The following CDC20B variants were observed in gnomAD, a reference collection of about 807,000 sequenced individuals.
CDC20B encodes the protein cell division cycle 20B.
A neutral mutation model predicts 64.1 loss-of-function variants in CDC20B; 58 were observed. That is an observed-to-expected ratio of 0.90 (90% confidence interval 0.73 to 1.13). The LOEUF is 1.13. Among genes scored for constraint, CDC20B ranks in the 50% most tolerant of loss-of-function variants. The pLI is 0.00. For synonymous variants in CDC20B, 243 were observed against 230.6 expected, an observed-to-expected ratio of 1.05 and a Z score of -0.49; for missense variants, 597 against 633.0, an observed-to-expected ratio of 0.94 and a Z score of 0.61.
chr5:55,120,231 A>C (rs924328199), intron 10 of CDC20B, among the ~76,000 whole-genome samples, 194 bp downstream of exon 10: 9 of 152,232 alleles, frequency 5.9e-5, no homozygotes, highest in Admixed American at 1.3e-4. Flanking sequence ...TGAAAAAAAG[A>C]AAACACAAAT....
intron 4 of CDC20B, 37 bp downstream of exon 4, chr5:55,143,476 T>C: frequency 3.2e-6 from 5 of 1,539,996 alleles, no homozygotes; most frequent in Admixed American, 2.1e-5. Flanking sequence ...TCAGCTTCTC[T>C]AGATGTGGGA....
intron 6 of CDC20B, among the ~76,000 whole-genome samples, chr5:55,132,138 T>TTAA (rs1743048298): frequency 6.6e-6 from 1 of 152,302 alleles, no homozygotes; most frequent in Non-Finnish European, 1.5e-5. Context: ...ATATAACAGT[T>TTAA]TTTTAACATT....
At chr5:55,124,428 A>C (rs1304354644) in intron 9 of CDC20B, among the ~76,000 whole-genome samples, 4 of 152,244 alleles carry the variant, frequency 2.6e-5, no homozygotes, top group Non-Finnish European at 5.9e-5. Flanking sequence ...GTCTGAAGGA[A>C]GAATGAAACC....
chr5:55,153,801 C>T (rs1340549549), intron 2 of CDC20B, among the ~76,000 whole-genome samples: 1 of 152,126 alleles, frequency 6.6e-6, no homozygotes, highest in East Asian at 1.9e-4. Flanking sequence ...AATAAAGTTG[C>T]ATGAACAATA....
At chr5:55,162,311 G>A (rs566766646) in intron 2 of CDC20B, among the ~76,000 whole-genome samples, 118 of 152,242 alleles carry the variant, frequency 7.8e-4, no homozygotes, top group Non-Finnish European at 1.4e-3. Flanking sequence ...CAGGAGAATC[G>A]CTTGAACCCA....
intron 2 of CDC20B, among the ~76,000 whole-genome samples, chr5:55,158,146 C>G (rs1351939159): frequency 6.6e-6 from 1 of 152,160 alleles, no homozygotes; most frequent in Non-Finnish European, 1.5e-5. Context: ...AGTACAGATT[C>G]TGACTCGGGA....
At chr5:55,118,243 T>C (rs1006979335) in intron 11 of CDC20B, among the ~76,000 whole-genome samples, 2 of 152,258 alleles carry the variant, frequency 1.3e-5, no homozygotes, top group Non-Finnish European at 2.9e-5. Flanking sequence ...GTATGTTTTG[T>C]ATAACTGCTA....
chr5:55,140,250 G>A, intron 5 of CDC20B, 64 bp downstream of exon 5: 1 of 874,782 alleles, frequency 1.1e-6, no homozygotes, highest in Non-Finnish European at 1.8e-6. Context: ...TTAAGATTAG[G>A]AAGAAATGAA....
chr5:55,147,726 A>C (rs1272939950), intron 2 of CDC20B, among the ~76,000 whole-genome samples: 1 of 152,106 alleles, frequency 6.6e-6, no homozygotes, highest in Non-Finnish European at 1.5e-5. Flanking sequence ...TTAGGGAGTA[A>C]TTACATTTAT....
intron 4 of CDC20B, among the ~76,000 whole-genome samples, chr5:55,142,136 A>T (rs576404842): frequency 6.6e-6 from 1 of 152,212 alleles, no homozygotes; most frequent in East Asian, 1.9e-4. Flanking sequence ...GATGAGATCG[A>T]CTTACTACTT....
intron 5 of CDC20B, chr5:55,136,969 T>A (rs1017532429): frequency 1.3e-5 from 2 of 152,182 alleles, no homozygotes; most frequent in East Asian, 3.9e-4. Flanking sequence ...GGGTGGAGCA[T>A]CTGAGGTCAG....
chr5:55,120,311 C>T (rs765526056), intron 10 of CDC20B, 114 bp downstream of exon 10: 192 of 1,207,704 alleles, frequency 1.6e-4, no homozygotes, highest in Non-Finnish European at 2.2e-4. Context: ...ACTCAAATTC[C>T]TTATGGACTC....
intron 5 of CDC20B, chr5:55,136,663 G>C (rs1292349500): frequency 6.6e-6 from 1 of 151,994 alleles, no homozygotes; most frequent in African/African-American, 2.4e-5. Flanking sequence ...CCTTGCCAAA[G>C]CACCCCATGG....
At position 55,114,582 on chromosome 5, in the gene CDC20B, T is replaced by G. The variant is rs567522388; in HGVS notation, c.1460-264A>C. On this transcript the variant is annotated intron_variant, in intron 11 of 11. Coordinates refer to ENST00000381375, the MANE Select transcript of CDC20B (RefSeq NM_001170402.1). The surrounding 1 kb of genome is among the most constrained non-coding windows in gnomAD (Gnocchi z 4.1). ...AACAAATTACCACCCATTGGGTGGC[T>G]TAAAACAACAGAAATTGATTCTCAC... Among the ~76,000 whole-genome samples the G allele has an allele frequency of 7.2e-5, 11 of 152,294 alleles. No homozygotes were observed. Among genetic ancestry groups the G allele is most frequent in the African/African-American group, 2.6e-4 (11 of 41,576 alleles).
rs761041294 is a variant in CDC20B, at chr5:55,140,308, C to T, written c.580+6G>A. On this transcript the variant is annotated splice_donor_region_variant and intron_variant, in intron 5 of 11. Coordinates refer to ENST00000381375, the MANE Select transcript of CDC20B (RefSeq NM_001170402.1). Reference sequence around the variant, plus strand: ...AGGAAAGAAGGACAATGTCTTGATCCTGTACCTTTCCAAACACATTCGGAT... The same window carrying T: ...AGGAAAGAAGGACAATGTCTTGATCTTGTACCTTTCCAAACACATTCGGAT... 10 of 1,597,156 alleles carry T rather than the reference C, an allele frequency of 6.3e-6. No individual in the cohort carries two copies. The highest frequency in any genetic ancestry group is 6.0e-6 in the Non-Finnish European group (7 of 1,167,542).
chr5:55,120,664 C>T lies in CDC20B; in HGVS notation c.1216-114G>A, dbSNP rs12332290. Reference sequence around the variant, plus strand: ...CCACGTCTGCACCTGTCACAGCTCTCCTGGGCCTGCTATCTAAAGGCAGGA... The same window carrying T: ...CCACGTCTGCACCTGTCACAGCTCTTCTGGGCCTGCTATCTAAAGGCAGGA... On this transcript the variant is annotated intron_variant, in intron 9 of 11. Coordinates refer to ENST00000381375, the MANE Select transcript of CDC20B (RefSeq NM_001170402.1). 419 of 1,248,056 alleles carry T rather than the reference C, an allele frequency of 3.4e-4. 1 individual carries two copies. The African/African-American group carries it at 5.9e-3, about 18-fold the overall frequency. 77.3% of individuals were successfully genotyped at this position (1,248,056 alleles called of 1,614,324 possible). A position where few individuals can be genotyped will look rare whatever the true frequency, so the allele number is the denominator to read the frequency against.
intron 11 of CDC20B, among the ~76,000 whole-genome samples, chr5:55,115,356 C>A (rs760183026): frequency 5.9e-5 from 9 of 152,176 alleles, no homozygotes; most frequent in Non-Finnish European, 1.0e-4. Flanking sequence ...TTCAGGATTT[C>A]TTCATTTTAG....
chr5:55,124,904 T>C lies in CDC20B; in HGVS notation c.1114A>G (p.Ser372Gly). 6.2e-7 allele frequency: 1 copy of C among 1,614,172 alleles called. No homozygotes were observed. Residue 372 changes from serine to glycine, a missense_variant, in exon 9 of 12, where the codon AGC becomes GGC. Ser to Gly is a moderately conservative substitution (Grantham distance 56). This residue lies in a region of CDC20B where 353 missense variants were observed against 397.0 expected (regional missense o/e 0.89). Coordinates refer to ENST00000381375, the MANE Select transcript of CDC20B (RefSeq NM_001170402.1). Reference protein sequence around the residue: ...KWSPDGRLLSSGCSDGLLTIW... With the variant: ...KWSPDGRLLSGGCSDGLLTIW... ...GTCAGCAGTCCATCACTGCAGCCGC[T>C]GGAAAGCAGCCTGCCATCCGGTGAC...
At chr5:55,156,796 C>T (rs773546541) in intron 2 of CDC20B, among the ~76,000 whole-genome samples, 3 of 152,154 alleles carry the variant, frequency 2.0e-5, no homozygotes, top group Non-Finnish European at 4.4e-5. Flanking sequence ...ATCACTCAAA[C>T]CCAAGAGATG....
Sources: gnomAD v4.1 joint callset for allele counts (sites outside exome capture counted in the v4.1 genomes callset) on GRCh38, gnomAD v4.1.1 for gene constraint, gnomAD v4.1.1 regional missense constraint, Gnocchi (gnomAD v3.1) non-coding constraint, MANE v1.5 for transcripts, NCBI Gene and HGNC (gene_info 2026-07-23, HGNC 2026-07-21) for gene names.